Variants in KLC3 observed in about 807,000 individuals in gnomAD.
The protein encoded by KLC3 is kinesin light chain 3.
A neutral mutation model predicts 62.9 loss-of-function variants in KLC3; 72 were observed. The ratio of observed to expected loss-of-function variants is 1.15; its 90% CI spans 0.95 to 1.39. The LOEUF (loss-of-function observed/expected upper bound fraction) is 1.39. KLC3 is among the 40% of genes most tolerant of loss of function. The probability of loss-of-function intolerance (pLI) is 0.00; values close to 1 mark genes in which losing one functional copy is unlikely to be tolerated. For synonymous variants in KLC3, 377 were observed against 300.5 expected (o/e 1.25, Z -2.63); for missense variants, 848 against 691.6 (o/e 1.23, Z -2.54).
intron 1 of KLC3, among the ~76,000 whole-genome samples, chr19:45,341,578 T>TGCGCGCGCACGCGC (rs1555772509): frequency 7.2e-6 from 1 of 139,800 alleles, no homozygotes; most frequent in Non-Finnish European, 1.6e-5. Flanking sequence ...TGTGTGTGTG[T>TGCGCGCGCACGCGC]GCGCGCGCGC....
chr19:45,350,581 G>T, intron 10 of KLC3, 30 bp downstream of exon 10: 2 of 1,613,892 alleles, frequency 1.2e-6, no homozygotes, highest in Non-Finnish European at 1.7e-6. Flanking sequence ...CGGCTCCTGG[G>T]GTGGGCGTGG....
chr19:45,349,702 G>A (rs1434257601), intron 8 of KLC3, 100 bp downstream of exon 8: 3 of 813,448 alleles, frequency 3.7e-6, no homozygotes, highest in Non-Finnish European at 5.4e-6. Context: ...AGGGTGGGGG[G>A]GGGCCCCCCA....
intron 8 of KLC3, 94 bp downstream of exon 8, chr19:45,349,696 T>TGGGGGGGGAGGGGGGGGGGGGGGGG: frequency 1.5e-6 from 1 of 689,044 alleles, no homozygotes; most frequent in Non-Finnish European, 2.1e-6. Context: ...AACGTGAGGG[T>TGGGGGGGGAGGGGGGGGGGGGGGGG]GGGGGGGGGC....
chr19:45,350,786 G>A (rs1218533169), intron 11 of KLC3, 39 bp downstream of exon 11: 8 of 1,562,670 alleles, frequency 5.1e-6, no homozygotes, highest in Non-Finnish European at 7.0e-6. Flanking sequence ...CCTGACATCA[G>A]CAGAATCCAC....
chr19:45,351,246 C>CCTCA, intron 12 of KLC3, 40 bp from the exon 13 acceptor site: 2 of 690,830 alleles, frequency 2.9e-6, no homozygotes, highest in Non-Finnish European at 4.3e-6. Context: ...AACACTTGCC[C>CCTCA]CTCACCTCCC....
At position 45,351,333 on chromosome 19, in the gene KLC3, C is replaced by G. The variant is rs765360053; in HGVS notation, c.1491C>G (p.Ser497Arg). 2.5e-6 allele frequency: 4 copies of G among 1,612,006 alleles called. No homozygotes were observed. Among genetic ancestry groups the G allele is most frequent in the Middle Eastern group, 1.6e-4 (1 of 6,062 alleles). The change falls in exon 13 of 13, where the codon AGC (serine) becomes AGG (arginine). Residue 497 changes from serine to arginine, a missense_variant. Physicochemically the swap from Ser to Arg is moderately radical, Grantham distance 110 (BLOSUM62 -1). Transcript: ENST00000391946. ...LDKAPRTLSA[S>R]TQDLSPH ...AGGCCCCTCGGACCCTCAGCGCCAGCACCCAGGACCTGAGCCCCCACTAAC... is the reference window on the plus strand; with the variant it reads ...AGGCCCCTCGGACCCTCAGCGCCAGGACCCAGGACCTGAGCCCCCACTAAC...
intron 6 of KLC3, 35 bp from the exon 7 acceptor site, chr19:45,348,785 C>T (rs1285277845): frequency 1.3e-6 from 2 of 1,562,204 alleles, no homozygotes; most frequent in Non-Finnish European, 1.7e-6. Flanking sequence ...GCCACACCTG[C>T]CCATCCCTGA....
intron 11 of KLC3, 40 bp downstream of exon 11, chr19:45,350,787 C>T: frequency 1.3e-6 from 2 of 1,547,720 alleles, no homozygotes; most frequent in Non-Finnish European, 1.8e-6. Context: ...CTGACATCAG[C>T]AGAATCCACA....
chr19:45,349,401 CCT>C lies in KLC3; in HGVS notation c.970-25_970-24del, dbSNP rs780918433. 38 of 1,581,686 alleles carry C rather than the reference CCT, an allele frequency of 2.4e-5. No individual in the cohort carries two copies. The Admixed American group carries it at 5.6e-4, about 23-fold the overall frequency. On this transcript the variant is annotated intron_variant, in intron 7 of 12. Coordinates refer to ENST00000391946, the MANE Select transcript of KLC3 (RefSeq NM_177417.3). ...CGTGTCCCACCAATCCTGTATGATC[CCT>C]CTGACTTGTGACCCCTGGCCCCCAG...
At position 45,345,723 on chromosome 19, in the gene KLC3, T is replaced by G. The variant is rs1568521766; in HGVS notation, c.182T>G (p.Leu61Trp). 1 of 1,560,746 alleles carries G rather than the reference T, an allele frequency of 6.4e-7. No individual in the cohort carries two copies. The highest frequency in any genetic ancestry group is 8.7e-7 in the Non-Finnish European group (1 of 1,153,370). Residue 61 changes from leucine (L) to tryptophan (W), a missense_variant, in exon 2 of 13, where the codon TTG becomes TGG. Coordinates refer to ENST00000391946, the MANE Select transcript of KLC3 (RefSeq NM_177417.3). ...ALAGQGPAAG[L>W]EMLEEKQQVV... The stretch of plus-strand genomic sequence containing the variant: ...GCGGGACAGGGCCCGGCAGCCGGCT[T>G]GGAGATGCTGGAGGAAAAGCAGCAG...
At chr19:45,342,009 C>T (rs1262490265) in intron 1 of KLC3, among the ~76,000 whole-genome samples, 6 of 151,808 alleles carry the variant, frequency 4.0e-5, no homozygotes, top group Admixed American at 2.0e-4. Context: ...GTTGTGCACC[C>T]GGGGCTCTGT....
rs1375406730 is a variant in KLC3, at chr19:45,346,665, A to AGCG, written c.386_388dup (p.Arg129dup). 9.0e-6 allele frequency: 14 copies of AGCG among 1,558,556 alleles called. No individual in the cohort carries two copies. In the East Asian group the frequency reaches 3.4e-4, roughly 38 times the overall value. On this transcript the variant is annotated inframe_insertion, in exon 3 of 13. Coordinates refer to ENST00000391946, the MANE Select transcript of KLC3 (RefSeq NM_177417.3). Reference sequence around the variant, plus strand: ...CTGCGGGAGGAACTGGAGGAGACGCAGCGGCGGCTTCGGGCCAGCGAGGAG... The same window carrying AGCG: ...CTGCGGGAGGAACTGGAGGAGACGCAGCGGCGGCGGCTTCGGGCCAGCGAGGAG...
chr19:45,347,516 G>T lies in KLC3; in HGVS notation c.559G>T (p.Gly187Cys), dbSNP rs1971532456. The change falls in exon 4 of 13, where the codon GGT becomes TGT. Residue 187 changes from glycine (G) to cysteine (C), a missense_variant and splice_region_variant. By Grantham distance (159) the Gly-to-Cys change is radical (BLOSUM62 -3). Coordinates refer to ENST00000391946, the MANE Select transcript of KLC3 (RefSeq NM_177417.3). Reference sequence around the variant, plus strand: ...CCCCAGCGAGGAGGAGGAGAGGAAAGGTGGGTGTTGGGAGTACATGCCACA... The same window carrying T: ...CCCCAGCGAGGAGGAGGAGAGGAAATGTGGGTGTTGGGAGTACATGCCACA... The part of the protein sequence containing the change: ...LFPSEEEERK[G>C]PEAAGAAAAQ... The T allele has an allele frequency of 1.2e-6, 2 of 1,611,634 alleles. No individual in the cohort carries two copies. The highest frequency in any genetic ancestry group is 2.7e-5 in the African/African-American group (2 of 74,744).
chr19:45,346,808 G>T (rs1568522692), intron 3 of KLC3, 34 bp downstream of exon 3: 1 of 1,470,360 alleles, frequency 6.8e-7, no homozygotes, highest in Admixed American at 2.1e-5. Context: ...GGGGTGCTGG[G>T]CCCTTCATAG....
intron 12 of KLC3, 102 bp from the exon 13 acceptor site, chr19:45,351,184 G>A: frequency 1.3e-6 from 2 of 1,585,884 alleles, no homozygotes; most frequent in African/African-American, 1.3e-5. Flanking sequence ...GTAGAGGCGA[G>A]GGGGTTGGAT....
intron 3 of KLC3, 135 bp downstream of exon 3, chr19:45,346,909 G>A (rs750711673): frequency 4.5e-6 from 2 of 441,724 alleles, no homozygotes; most frequent in Non-Finnish European, 3.3e-6. Context: ...TCCTTAGAAT[G>A]CCACAGTCCC....
intron 3 of KLC3, 155 bp from the exon 4 acceptor site, chr19:45,347,292 A>AGATC: frequency 3.4e-6 from 2 of 596,270 alleles, no homozygotes; most frequent in Non-Finnish European, 6.0e-6. Flanking sequence ...CTGTGAGCCA[A>AGATC]GATCGCACCA....
intron 12 of KLC3, 80 bp downstream of exon 12, chr19:45,351,097 C>G: frequency 6.2e-7 from 1 of 1,610,408 alleles, no homozygotes; most frequent in Non-Finnish European, 8.5e-7. Context: ...GGCGGTCGGG[C>G]CAGTGGTGGA....
chr19:45,347,007 C>A, intron 3 of KLC3: 1 of 512,180 alleles, frequency 2.0e-6, no homozygotes, highest in Non-Finnish European at 3.5e-6. Context: ...CCTCGCCAGA[C>A]CCCCAGGGGG....
Sources: gnomAD v4.1 joint callset for allele counts (sites outside exome capture counted in the v4.1 genomes callset) on GRCh38, gnomAD v4.1.1 for gene constraint, MANE v1.5 for transcripts, NCBI Gene and HGNC (gene_info 2026-07-23, HGNC 2026-07-21) for gene names.